The following UNKL variants were observed in gnomAD, a reference collection of about 807,000 sequenced individuals.
The protein encoded by UNKL is unk like zinc finger.
A neutral mutation model predicts 78.0 loss-of-function variants in UNKL; 60 were observed. The observed-to-expected ratio is 0.77, with a 90% CI of 0.63 to 0.95. UNKL has a LOEUF of 0.95. Ranked by LOEUF, UNKL falls within the 40% of genes least tolerant of loss-of-function variation. UNKL has a pLI of 0.00. For missense variants in UNKL, 1,159 were observed against 1,045.7 expected (o/e 1.11, Z -1.49); for synonymous variants, 608 against 474.8 (o/e 1.28, Z -3.65).
Position 1,393,036 on chromosome 16 carries a change from G to T in UNKL, c.938-60C>A. ...CGCTGGTGGGCGACAGTGACACGCAGAAGTCTCCGCACCACACGTCAGGGC... is the reference window on the plus strand; with the variant it reads ...CGCTGGTGGGCGACAGTGACACGCATAAGTCTCCGCACCACACGTCAGGGC... On this transcript the variant is annotated intron_variant, in intron 7 of 14. Coordinates refer to ENST00000389221, the MANE Select transcript of UNKL (RefSeq NM_001372107.1). The T allele has an allele frequency of 2.0e-6, 3 of 1,507,992 alleles. No homozygotes were observed. In the East Asian group the frequency reaches 7.4e-5, roughly 37 times the overall value. 93.4% of individuals were successfully genotyped at this position (1,507,992 alleles called of 1,614,324 possible).
chr16:1,370,884 C>T (rs995850981), intron 11 of UNKL, among the ~76,000 whole-genome samples: 2 of 152,110 alleles, frequency 1.3e-5, no homozygotes, highest in African/African-American at 4.8e-5. Context: ...GAGATGGAGA[C>T]CATCCTGGCT....
At chr16:1,405,693 A>G (rs2037725798) in intron 2 of UNKL, among the ~76,000 whole-genome samples, 1 of 152,112 alleles carries the variant, frequency 6.6e-6, no homozygotes, top group South Asian at 2.1e-4. Flanking sequence ...CGGATGCCCA[A>G]GGAGGGGACG....
chr16:1,404,094 C>T (rs939962113), intron 2 of UNKL, among the ~76,000 whole-genome samples: 43 of 152,200 alleles, frequency 2.8e-4, no homozygotes, highest in Admixed American at 1.1e-3. Flanking sequence ...CATTCCTGGG[C>T]GCCTCCAGGT....
chr16:1,379,742 GC>G (rs1236523054), intron 10 of UNKL: 2 of 907,056 alleles, frequency 2.2e-6, no homozygotes, highest in East Asian at 2.7e-4. Flanking sequence ...ACTCGGCCCC[GC>G]CCCCGTCGCA....
chr16:1,375,338 C>T (rs949089404), intron 10 of UNKL, among the ~76,000 whole-genome samples: 2 of 152,144 alleles, frequency 1.3e-5, no homozygotes, highest in Admixed American at 1.3e-4. Flanking sequence ...CGGGAGTGGA[C>T]GGTGGACTCC....
At chr16:1,370,107 G>A in intron 12 of UNKL, 23 bp downstream of exon 12, 1 of 1,539,774 alleles carries the variant, frequency 6.5e-7, no homozygotes, top group Non-Finnish European at 8.8e-7. Flanking sequence ...GGCAACGCCA[G>A]CATGGAGGGA....
chr16:1,367,592 C>T lies in UNKL; in HGVS notation c.1788+64G>A, dbSNP rs529198780. 1.4e-3 allele frequency: 1,788 copies of T among 1,299,118 alleles called. 36 individuals are homozygous for T. In the African/African-American group the frequency reaches 0.029, roughly 21 times the overall value. The allele number at this position is 1,299,118 out of a possible 1,614,324, so 80.5% of individuals were successfully genotyped here. ...CCTCCCCTCCCATCTCACCCCCACA[C>T]GCTCACCTGAGTCCCCTGCGGCCCT... On this transcript the variant is annotated intron_variant, in intron 13 of 14. Transcript: ENST00000389221.
intron 2 of UNKL, among the ~76,000 whole-genome samples, chr16:1,406,675 G>A (rs2037778236): frequency 6.6e-6 from 1 of 152,114 alleles, no homozygotes; most frequent in Admixed American, 6.6e-5. Flanking sequence ...CACGTCCCAG[G>A]CCGGCCGTGG....
chr16:1,400,934 C>T (rs1027241797), intron 4 of UNKL, among the ~76,000 whole-genome samples: 1 of 152,214 alleles, frequency 6.6e-6, no homozygotes, highest in African/African-American at 2.4e-5. Flanking sequence ...AGTGATCTGC[C>T]CGCCTCGGCC....
At chr16:1,370,445 C>G in intron 11 of UNKL, 88 bp from the exon 12 acceptor site, 1 of 1,498,538 alleles carries the variant, frequency 6.7e-7, no homozygotes, top group Non-Finnish European at 8.8e-7. Flanking sequence ...GAAGACGGAC[C>G]CTGCAGGTGG....
chr16:1,366,117 C>CA lies in UNKL; in HGVS notation c.*122dup, dbSNP rs1313423075. 3 of 1,228,270 alleles carry CA rather than the reference C, an allele frequency of 2.4e-6. No homozygotes were observed. The highest frequency in any genetic ancestry group is 3.2e-6 in the Non-Finnish European group (3 of 933,000). The allele number at this position is 1,228,270 out of a possible 1,614,324, so 76.1% of individuals were successfully genotyped here. On this transcript the variant is annotated 3_prime_UTR_variant, in exon 15 of 15. Coordinates refer to ENST00000389221, the MANE Select transcript of UNKL (RefSeq NM_001372107.1). ...CTCCCAGCCTCATGATAACGTGTAA[C>CA]AGGAAGGGCTCCCAGCCTCGGTCCT...
chr16:1,400,413 A>C (rs12929207), intron 4 of UNKL, among the ~76,000 whole-genome samples: 1 of 84,724 alleles, frequency 1.2e-5, no homozygotes, highest in Non-Finnish European at 2.2e-5. Context: ...GCGAGACTCC[A>C]TCTCAAAAAA....
At chr16:1,397,076 A>G in intron 6 of UNKL, 102 bp downstream of exon 6, 1 of 1,316,064 alleles carries the variant, frequency 7.6e-7, no homozygotes, top group Non-Finnish European at 1.1e-6. Flanking sequence ...CCTCGGCCAA[A>G]GTTAATCACT....
intron 10 of UNKL, among the ~76,000 whole-genome samples, chr16:1,384,744 G>A (rs977014175): frequency 1.3e-5 from 2 of 152,150 alleles, no homozygotes; most frequent in African/African-American, 2.4e-5. Flanking sequence ...GACCACAGGT[G>A]CGCACCACCA....
At chr16:1,371,656 A>C in intron 10 of UNKL, 45 bp from the exon 11 acceptor site, 1 of 1,527,080 alleles carries the variant, frequency 6.5e-7, no homozygotes, top group Non-Finnish European at 8.8e-7. Context: ...CCAGCGCTGC[A>C]GAGCTCAGGA....
At chr16:1,377,632 TCCCAGG>T (rs1244234937) in intron 10 of UNKL, among the ~76,000 whole-genome samples, 2 of 151,580 alleles carry the variant, frequency 1.3e-5, no homozygotes, top group African/African-American at 4.8e-5. Flanking sequence ...CCAGCTTCCC[TCCCAGG>T]CCCACCCTCC....
At position 1,385,357 on chromosome 16, in the gene UNKL, T is replaced by C; in HGVS notation, c.1115A>G (p.His372Arg). The C allele has an allele frequency of 7.1e-7, 1 of 1,408,608 alleles. No homozygotes were observed. The highest frequency in any genetic ancestry group is 3.1e-5 in the Admixed American group (1 of 32,706). The allele number at this position is 1,408,608 out of a possible 1,614,324, so 87.3% of individuals were successfully genotyped here. ...GGAGCTCACGCTGGGGGCCGGCGGG[T>C]GGACCGCTGCAAACACGGCCAGGTG... is the stretch of plus-strand genomic sequence containing the variant. ...QNHLAVFAAV[H>R]PPAPSVSSSV... Residue 372 changes from histidine to arginine, a missense_variant, in exon 10 of 15, where the codon CAC (histidine) becomes CGC (arginine). Transcript: ENST00000389221.
At position 1,387,510 on chromosome 16, in the gene UNKL, T is replaced by C. The variant is rs569999920; in HGVS notation, c.1087-2125A>G. ...GGAGCAACGCACACCTGGGAGCTCC[T>C]TGTACCCCGATGGCTTGGATCGGGG... is the stretch of plus-strand genomic sequence containing the variant. On this transcript the variant is annotated intron_variant, in intron 9 of 14. Coordinates refer to ENST00000389221, the MANE Select transcript of UNKL (RefSeq NM_001372107.1). The surrounding 1 kb of genome is among the most constrained non-coding windows in gnomAD (Gnocchi z 4.1). Among the ~76,000 whole-genome samples, 5 of 152,268 alleles carry C rather than the reference T, an allele frequency of 3.3e-5. No homozygotes were observed. In the South Asian group the frequency reaches 1.0e-3, roughly 32 times the overall value.
At chr16:1,405,821 T>A (rs2142239637) in intron 2 of UNKL, 1 of 376,954 alleles carries the variant, frequency 2.7e-6, no homozygotes, top group South Asian at 1.8e-5. Context: ...CACGCTCCAA[T>A]GCCCTGGACC....
Sources: gnomAD v4.1 joint callset for allele counts (sites outside exome capture counted in the v4.1 genomes callset) on GRCh38, gnomAD v4.1.1 for gene constraint, Gnocchi (gnomAD v3.1) non-coding constraint, MANE v1.5 for transcripts, NCBI Gene and HGNC (gene_info 2026-07-23, HGNC 2026-07-21) for gene names.